The following TMEM131L variants were observed in gnomAD, a reference collection of about 807,000 sequenced individuals.
TMEM131L encodes transmembrane 131 like, also known as transmembrane protein 131-like.
TMEM131L carries 54 observed loss-of-function variants against 192.2 expected under a neutral mutation model. The observed-to-expected ratio is 0.28, with a 90% CI of 0.23 to 0.35. The LOEUF (loss-of-function observed/expected upper bound fraction) is 0.35. Among genes scored for constraint, TMEM131L ranks in the 10% least tolerant of loss-of-function variants. The pLI, the probability that TMEM131L is intolerant of heterozygous loss-of-function variation, is 1.00. For missense variants in TMEM131L, 1,888 were observed against 1,972.9 expected, an observed-to-expected ratio of 0.96 and a Z score of 0.82; for synonymous variants, 701 against 704.9, an observed-to-expected ratio of 0.99 and a Z score of 0.09.
At chr4:153,602,464 G>A in intron 22 of TMEM131L, 78 bp from the exon 23 acceptor site, 1 of 1,518,742 alleles carries the variant, frequency 6.6e-7, no homozygotes, top group African/African-American at 1.4e-5. Flanking sequence ...GTAGGAGTAT[G>A]ATGTGTTGTC....
chr4:153,532,300 A>G (rs1458329084), intron 3 of TMEM131L, among the ~76,000 whole-genome samples: 2 of 152,192 alleles, frequency 1.3e-5, no homozygotes, highest in African/African-American at 4.8e-5. Flanking sequence ...ACAGAAAGGG[A>G]ATGAGCTTGT....
Position 153,622,970 on chromosome 4 carries a change from G to T in TMEM131L, c.3932G>T (p.Ser1311Ile). The T allele has an allele frequency of 6.2e-7, 1 of 1,614,226 alleles. No homozygotes were observed. Among genetic ancestry groups the T allele is most frequent in the Non-Finnish European group, 8.5e-7 (1 of 1,180,034 alleles). ...FCSDSSSDCG[S>I]SSGSVRASRG... Reference sequence around the variant, plus strand: ...TCCGATTCCAGCTCTGACTGTGGGAGCTCCTCTGGCAGCGTGCGTGCCAGC... The same window carrying T: ...TCCGATTCCAGCTCTGACTGTGGGATCTCCTCTGGCAGCGTGCGTGCCAGC... The change falls in exon 29 of 35, where the codon AGC (serine) becomes ATC (isoleucine). Residue 1311 changes from serine to isoleucine, a missense_variant. Physicochemically the swap from Ser to Ile is moderately radical, Grantham distance 142. Transcript: ENST00000409959.
chr4:153,569,676 C>T (rs1411373524), intron 7 of TMEM131L, among the ~76,000 whole-genome samples: 1 of 152,176 alleles, frequency 6.6e-6, no homozygotes, highest in Non-Finnish European at 1.5e-5. Context: ...GCCAAGTTAC[C>T]TAATCTCCCT....
At position 153,620,881 on chromosome 4, in the gene TMEM131L, G is replaced by T; in HGVS notation, c.3692+1G>T. On this transcript the variant is annotated splice_donor_variant, in intron 27 of 34. Transcript: ENST00000409959. LOFTEE classifies it high-confidence loss of function. Reference sequence around the variant, plus strand: ...AAAGGGGTGTTGCTCCAGTCTCAAGGTGCGTAATTCTTACTATCTCTAATA... The same window carrying T: ...AAAGGGGTGTTGCTCCAGTCTCAAGTTGCGTAATTCTTACTATCTCTAATA... 6.3e-7 allele frequency: 1 copy of T among 1,580,884 alleles called. No individual in the cohort carries two copies. The highest frequency in any genetic ancestry group is 8.6e-7 in the Non-Finnish European group (1 of 1,169,370).
At position 153,558,333 on chromosome 4, in the gene TMEM131L, C is replaced by G; in HGVS notation, c.625C>G (p.Pro209Ala). Reference sequence around the variant, plus strand: ...GCTACCAAATGCTTATTTTCTGCTTCCAAAGGTCCAGAGCATTCAGCTGTC... The same window carrying G: ...GCTACCAAATGCTTATTTTCTGCTTGCAAAGGTCCAGAGCATTCAGCTGTC... ...KQLPNAYFLL[P>A]KVQSIQLSQM... Residue 209 changes from proline (P) to alanine (A), a missense_variant, in exon 7 of 35, where the codon CCA (proline) becomes GCA (alanine). Physicochemically the swap from Pro to Ala is conservative, Grantham distance 27 (BLOSUM62 -1). Coordinates refer to ENST00000409959, the MANE Select transcript of TMEM131L (RefSeq NM_001131007.2). 1 of 1,610,304 alleles carries G rather than the reference C, an allele frequency of 6.2e-7. No individual in the cohort carries two copies. The highest frequency in any genetic ancestry group is 8.5e-7 in the Non-Finnish European group (1 of 1,177,052).
intron 3 of TMEM131L, among the ~76,000 whole-genome samples, chr4:153,542,231 A>G (rs1243708916): frequency 2.6e-5 from 4 of 152,150 alleles, no homozygotes; most frequent in African/African-American, 9.6e-5. Context: ...AGGCAGAGGA[A>G]GAGGAGTTAG....
At chr4:153,635,849 T>C (rs567672521) in intron 34 of TMEM131L, among the ~76,000 whole-genome samples, 52 of 152,258 alleles carry the variant, frequency 3.4e-4, no homozygotes, top group African/African-American at 1.1e-3. Context: ...GTAGATAAAA[T>C]TGAACATGGG....
In TMEM131L at chr4:153,585,457, G is replaced by T; in HGVS notation, c.1158-1G>T. 1 of 1,613,546 alleles carries T rather than the reference G, an allele frequency of 6.2e-7. No homozygotes were observed. The highest frequency in any genetic ancestry group is 2.2e-5 in the East Asian group (1 of 44,838). On this transcript the variant is annotated splice_acceptor_variant, in intron 12 of 34. Coordinates refer to ENST00000409959, the MANE Select transcript of TMEM131L (RefSeq NM_001131007.2). LOFTEE classifies it high-confidence loss of function. ...ATAGCATGCATGTCGTCTGTTCACAGGTATTTTAGAATGGACTCTTCTGCA... is the reference window on the plus strand; with the variant it reads ...ATAGCATGCATGTCGTCTGTTCACATGTATTTTAGAATGGACTCTTCTGCA...
chr4:153,521,545 A>G (rs1735111930), intron 3 of TMEM131L, among the ~76,000 whole-genome samples: 1 of 152,138 alleles, frequency 6.6e-6, no homozygotes, highest in Admixed American at 6.5e-5. Flanking sequence ...TAAATTTACC[A>G]TTTTGACCAT....
chr4:153,586,458 T>G, intron 14 of TMEM131L, 79 bp downstream of exon 14: 3 of 1,074,374 alleles, frequency 2.8e-6, no homozygotes, highest in Non-Finnish European at 2.6e-6. Flanking sequence ...TGCTTGAGTT[T>G]TATTAACTGG....
intron 33 of TMEM131L, among the ~76,000 whole-genome samples, chr4:153,634,668 C>T (rs1332954746): frequency 6.6e-6 from 1 of 152,184 alleles, no homozygotes; most frequent in African/African-American, 2.4e-5. Context: ...CATTGGCCTG[C>T]TTCCTATTAT....
intron 3 of TMEM131L, among the ~76,000 whole-genome samples, chr4:153,486,618 C>T (rs1255731671): frequency 6.6e-6 from 1 of 152,218 alleles, no homozygotes; most frequent in African/African-American, 2.4e-5. Flanking sequence ...CTCACGTTTG[C>T]AGGAGGTCTG....
chr4:153,501,345 C>T (rs1008739650), intron 3 of TMEM131L, among the ~76,000 whole-genome samples: 5 of 151,758 alleles, frequency 3.3e-5, no homozygotes, highest in Admixed American at 1.3e-4. Context: ...GGACTACAGG[C>T]GCGTGCCACC....
In TMEM131L at chr4:153,473,826, A is replaced by G; in HGVS notation, c.196-19A>G. ...CGAACAAACAGAAACAACGGTTAAC[A>G]CATGTTCTTTTTCAATAGGGTGATT... is the stretch of plus-strand genomic sequence containing the variant. On this transcript the variant is annotated intron_variant, in intron 2 of 34. Coordinates refer to ENST00000409959, the MANE Select transcript of TMEM131L (RefSeq NM_001131007.2). 1 of 1,539,144 alleles carries G rather than the reference A, an allele frequency of 6.5e-7. No homozygotes were observed. Among genetic ancestry groups the G allele is most frequent in the Non-Finnish European group, 8.8e-7 (1 of 1,140,704 alleles).
chr4:153,508,969 CTTAAGTAAG>C (rs1734172150), intron 3 of TMEM131L, among the ~76,000 whole-genome samples: 1 of 151,926 alleles, frequency 6.6e-6, no homozygotes, highest in South Asian at 2.1e-4. Flanking sequence ...AATGGCTTAA[CTTAAGTAAG>C]TTAAACAAAT....
intron 3 of TMEM131L, among the ~76,000 whole-genome samples, chr4:153,531,266 A>C (rs144657210): frequency 3.3e-5 from 5 of 152,326 alleles, no homozygotes; most frequent in African/African-American, 1.2e-4. Context: ...GGAACCCTTG[A>C]ATCCATATTA....
intron 25 of TMEM131L, among the ~76,000 whole-genome samples, chr4:153,605,260 T>C (rs1377958332): frequency 2.0e-5 from 3 of 152,242 alleles, no homozygotes; most frequent in African/African-American, 7.2e-5. Context: ...TCATTATCCT[T>C]TAATAGATCC....
Position 153,486,531 on chromosome 4 carries a change from A to T in TMEM131L, c.239+12643A>T, listed in dbSNP as rs114288355. Among the ~76,000 whole-genome samples, 739 of 152,318 alleles carry T rather than the reference A, an allele frequency of 4.9e-3. 11 individuals carry two copies. Among genetic ancestry groups the T allele is most frequent in the African/African-American group, 0.016 (683 of 41,568 alleles). The stretch of plus-strand genomic sequence containing the variant: ...GTGGTTCTGGGTTGGTTTACTCAGC[A>T]GGTTAGTGTCAGCACCTGGGAGCCT... On this transcript the variant is annotated intron_variant, in intron 3 of 34. Coordinates refer to ENST00000409959, the MANE Select transcript of TMEM131L (RefSeq NM_001131007.2).
intron 21 of TMEM131L, among the ~76,000 whole-genome samples, chr4:153,599,611 AT>A (rs1438438220): frequency 6.6e-6 from 1 of 152,246 alleles, no homozygotes; most frequent in African/African-American, 2.4e-5. Flanking sequence ...GAAGCAGTTA[AT>A]TTGGCTGTCA....
Sources: allele counts gnomAD v4.1 joint callset (sites outside exome capture counted in the v4.1 genomes callset), GRCh38; gene constraint gnomAD v4.1.1; transcripts MANE v1.5; gene names NCBI Gene and HGNC (gene_info 2026-07-23, HGNC 2026-07-21).